The following CSMD1 variants were observed in gnomAD, a reference collection of about 807,000 sequenced individuals.
CSMD1 encodes the protein CUB and Sushi multiple domains 1.
A neutral mutation model predicts 417.5 loss-of-function variants in CSMD1; 213 were observed. The ratio of observed to expected loss-of-function variants is 0.51; its 90% CI spans 0.46 to 0.57. The LOEUF is 0.57. Ranked by LOEUF, CSMD1 falls within the 20% of genes least tolerant of loss-of-function variation. The pLI is 0.00. For missense variants in CSMD1, 6,923 were observed against 4,529.7 expected (o/e 1.53, Z -15.17); for synonymous variants, 2,862 against 1,736.8 (o/e 1.65, Z -16.11).
chr8:3,039,887 T>A (rs2128983054), intron 50 of CSMD1, among the ~76,000 whole-genome samples: 1 of 152,268 alleles, frequency 6.6e-6, no homozygotes, highest in African/African-American at 2.4e-5. Context: ...GTCCCCAATA[T>A]CAAACCAAAC....
At chr8:3,857,498 A>G (rs1271304257) in intron 5 of CSMD1, among the ~76,000 whole-genome samples, 1 of 152,174 alleles carries the variant, frequency 6.6e-6, no homozygotes, top group Non-Finnish European at 1.5e-5. Flanking sequence ...GAGGATACCT[A>G]AGTCCAGAAA....
At chr8:4,152,431 C>G (rs191949987) in intron 3 of CSMD1, among the ~76,000 whole-genome samples, 1 of 151,612 alleles carries the variant, frequency 6.6e-6, no homozygotes. Context: ...GTAATCCCAG[C>G]AATTTGGCCA....
chr8:3,678,093 G>A (rs1037063040), intron 7 of CSMD1, among the ~76,000 whole-genome samples: 4 of 152,140 alleles, frequency 2.6e-5, no homozygotes, highest in Admixed American at 1.3e-4. Context: ...CCAGTCTACA[G>A]CTCCCAGAGT....
intron 3 of CSMD1, among the ~76,000 whole-genome samples, chr8:4,182,583 T>C (rs1250636592): frequency 6.6e-6 from 1 of 152,178 alleles, no homozygotes; most frequent in Non-Finnish European, 1.5e-5. Context: ...GAAAAGAATT[T>C]AGCATTCTAC....
intron 12 of CSMD1, among the ~76,000 whole-genome samples, chr8:3,444,958 G>A (rs1815209363): frequency 6.6e-6 from 1 of 152,156 alleles, no homozygotes; most frequent in South Asian, 2.1e-4. Flanking sequence ...CACTAGCTAT[G>A]AAGTCCTCAT....
At chr8:3,940,216 C>CA (rs1810783982) in intron 5 of CSMD1, among the ~76,000 whole-genome samples, 1 of 151,148 alleles carries the variant, frequency 6.6e-6, no homozygotes, top group Non-Finnish European at 1.5e-5. Context: ...GTTCTACCAC[C>CA]AAAAAACAGA....
intron 5 of CSMD1, among the ~76,000 whole-genome samples, chr8:3,836,539 G>C (rs1410234548): frequency 6.6e-6 from 1 of 152,072 alleles, no homozygotes; most frequent in South Asian, 2.1e-4. Flanking sequence ...CAAGAACTAG[G>C]ATGGAGTGAG....
chr8:2,989,075 C>T (rs1004840709), intron 54 of CSMD1, among the ~76,000 whole-genome samples: 1 of 152,184 alleles, frequency 6.6e-6, no homozygotes, highest in Non-Finnish European at 1.5e-5. Flanking sequence ...GACAACAGCA[C>T]ATTTATGTGA....
intron 4 of CSMD1, among the ~76,000 whole-genome samples, chr8:4,004,326 T>C (rs1235183585): frequency 6.6e-6 from 1 of 152,040 alleles, no homozygotes; most frequent in Non-Finnish European, 1.5e-5. Context: ...TGTAGAACTT[T>C]ATGTGTTTCT....
intron 5 of CSMD1, among the ~76,000 whole-genome samples, chr8:3,775,004 C>G (rs1179869365): frequency 6.6e-6 from 1 of 151,988 alleles, no homozygotes; most frequent in Non-Finnish European, 1.5e-5. Context: ...CCACTCCCGG[C>G]AGGACCAAGC....
At chr8:4,053,704 G>A (rs923928484) in intron 3 of CSMD1, among the ~76,000 whole-genome samples, 5 of 151,996 alleles carry the variant, frequency 3.3e-5, no homozygotes, top group African/African-American at 1.2e-4. Context: ...GCTCATCATG[G>A]CAGTAGGAGG....
rs555905737 is a variant in CSMD1, at chr8:3,213,121, C to A, written c.4867+1376G>T. Among the ~76,000 whole-genome samples, 115 of 152,264 alleles carry A rather than the reference C, an allele frequency of 7.6e-4. 2 individuals are homozygous for A. Among genetic ancestry groups the A allele is most frequent in the Middle Eastern group, 3.4e-3 (1 of 292 alleles). On this transcript the variant is annotated intron_variant, in intron 30 of 69. Coordinates refer to ENST00000635120, the MANE Select transcript of CSMD1 (RefSeq NM_033225.6). ...GGATTACAGGTGTGAGCCACGCGCC[C>A]AGTCTCTTATACAGTAATATTTAAA...
chr8:4,169,709 G>C (rs1797659018), intron 3 of CSMD1, among the ~76,000 whole-genome samples: 1 of 152,114 alleles, frequency 6.6e-6, no homozygotes, highest in Non-Finnish European at 1.5e-5. Context: ...TGCATGGCTT[G>C]CTCCCTACCC....
At chr8:4,681,831 T>A (rs1806071133) in intron 1 of CSMD1, among the ~76,000 whole-genome samples, 1 of 152,142 alleles carries the variant, frequency 6.6e-6, no homozygotes, top group African/African-American at 2.4e-5. Flanking sequence ...TCTGATAACC[T>A]CCATTTTCTC....
rs374197359 is a variant in CSMD1, at chr8:3,139,933, C to G, written c.6241+2532G>C. ...TTTTTTTTTTTTTTAGATGGAGTCT[C>G]CCTCTGTCACCCAGACTGGAGTGCA... On this transcript the variant is annotated intron_variant, in intron 41 of 69. Coordinates refer to ENST00000635120, the MANE Select transcript of CSMD1 (RefSeq NM_033225.6). Among the ~76,000 whole-genome samples the G allele has an allele frequency of 1.8e-4, 27 of 147,702 alleles. 1 individual carries two copies. In the South Asian group the frequency reaches 5.9e-3, roughly 32 times the overall value.
At chr8:3,329,507 T>C (rs965290401) in intron 23 of CSMD1, among the ~76,000 whole-genome samples, 11 of 152,166 alleles carry the variant, frequency 7.2e-5, no homozygotes, top group African/African-American at 2.7e-4. Flanking sequence ...GTTATCTAGT[T>C]AACATCTTTT....
chr8:3,391,119 TC>T (rs1393397279), intron 17 of CSMD1, among the ~76,000 whole-genome samples: 1 of 152,144 alleles, frequency 6.6e-6, no homozygotes, highest in Non-Finnish European at 1.5e-5. Flanking sequence ...TACCATTACA[TC>T]CCGACCACTC....
At chr8:2,941,195 G>C (rs957845589) in intron 69 of CSMD1, among the ~76,000 whole-genome samples, 1 of 152,064 alleles carries the variant, frequency 6.6e-6, no homozygotes, top group African/African-American at 2.4e-5. Context: ...CTTAAAGAAA[G>C]AACATTACTA....
At chr8:3,919,900 G>C (rs998557881) in intron 5 of CSMD1, among the ~76,000 whole-genome samples, 1 of 151,984 alleles carries the variant, frequency 6.6e-6, no homozygotes, top group Admixed American at 6.6e-5. Flanking sequence ...CATTCAAAAT[G>C]AGATTTTTTT....
Sources: allele counts gnomAD v4.1 joint callset (sites outside exome capture counted in the v4.1 genomes callset), GRCh38; gene constraint gnomAD v4.1.1; transcripts MANE v1.5; gene names NCBI Gene and HGNC (gene_info 2026-07-23, HGNC 2026-07-21).